The following HOOK3 variants were observed in gnomAD, a reference collection of about 807,000 sequenced individuals.
HOOK3 encodes the protein protein Hook homolog 3.
Under a neutral mutation model 116.3 loss-of-function variants are expected in HOOK3, and 24 were observed. The ratio of observed to expected loss-of-function variants is 0.21; its 90% confidence interval spans 0.15 to 0.29. The LOEUF (loss-of-function observed/expected upper bound fraction) is 0.29, where lower values mean the gene tolerates loss of function less well. HOOK3 is among the 10% of genes least tolerant of loss of function. HOOK3 has a pLI of 1.00. For missense variants in HOOK3, 632 were observed against 830.2 expected, an observed-to-expected ratio of 0.76 and a Z score of 2.93; for synonymous variants, 275 against 283.0, an observed-to-expected ratio of 0.97 and a Z score of 0.28.
At chr8:42,947,570 T>C (rs1289365413) in intron 5 of HOOK3, among the ~76,000 whole-genome samples, 1 of 152,230 alleles carries the variant, frequency 6.6e-6, no homozygotes, top group African/African-American at 2.4e-5. Flanking sequence ...GTATAAATGA[T>C]GGAAACTTAT....
intron 2 of HOOK3, among the ~76,000 whole-genome samples, chr8:42,924,019 G>C (rs1390363321): frequency 6.6e-6 from 1 of 151,956 alleles, no homozygotes; most frequent in African/African-American, 2.4e-5. Context: ...TTCATTTTAA[G>C]CTAATTTGAG....
intron 15 of HOOK3, among the ~76,000 whole-genome samples, chr8:42,996,038 T>C (rs1809258227): frequency 2.0e-5 from 3 of 152,094 alleles, no homozygotes; most frequent in South Asian, 2.1e-4. Flanking sequence ...CCCAAGACCT[T>C]GGGAGGTAAG....
Position 43,022,808 on chromosome 8 carries a change from C to G in HOOK3, c.*4310C>G, listed in dbSNP as rs1809853603. 5.7e-6 allele frequency: 1 copy of G among 176,572 alleles called. No individual in the cohort carries two copies. The highest frequency in any genetic ancestry group is 2.4e-5 in the African/African-American group (1 of 42,224). The allele number at this position is 176,572 out of a possible 1,614,324, so 10.9% of individuals were successfully genotyped here. A position where few individuals can be genotyped will look rare whatever the true frequency, so the allele number is the denominator to read the frequency against. The stretch of plus-strand genomic sequence containing the variant: ...TAAGTGTTTTAATTAGATTATTAGA[C>G]TATAATAAGGATGAAATTGCTGTCT... On this transcript the variant is annotated 3_prime_UTR_variant, in exon 22 of 22. Transcript: ENST00000307602.
At chr8:42,950,668 G>T (rs1295508903) in intron 6 of HOOK3, among the ~76,000 whole-genome samples, 2 of 151,688 alleles carry the variant, frequency 1.3e-5, no homozygotes, top group Non-Finnish European at 2.9e-5. Context: ...TATTTTGCAG[G>T]TATAGATATA....
At chr8:42,983,077 G>T (rs143699752) in intron 14 of HOOK3, among the ~76,000 whole-genome samples, 2,696 of 152,242 alleles carry the variant, frequency 0.018, 78 homozygotes, top group African/African-American at 0.063. Context: ...GCTCACGCCT[G>T]CAATCCCAGC....
At chr8:42,952,916 C>T (rs1350200844) in intron 6 of HOOK3, among the ~76,000 whole-genome samples, 5 of 152,142 alleles carry the variant, frequency 3.3e-5, no homozygotes, top group African/African-American at 1.2e-4. Context: ...CAACTTTCTT[C>T]CATCTTGCTG....
At chr8:42,939,659 G>A (rs1437693813) in intron 4 of HOOK3, among the ~76,000 whole-genome samples, 3 of 151,224 alleles carry the variant, frequency 2.0e-5, no homozygotes, top group South Asian at 2.1e-4. Flanking sequence ...GGTGGCTGCC[G>A]GGCAGAGACG....
intron 4 of HOOK3, among the ~76,000 whole-genome samples, chr8:42,933,105 T>C (rs1563294370): frequency 6.6e-6 from 1 of 152,220 alleles, no homozygotes; most frequent in South Asian, 2.1e-4. Flanking sequence ...CACCTCATCA[T>C]TATTTCATAG....
Position 43,021,320 on chromosome 8 carries a change from C to G in HOOK3, c.*2822C>G, listed in dbSNP as rs1218707694. On this transcript the variant is annotated 3_prime_UTR_variant, in exon 22 of 22. Coordinates refer to ENST00000307602, the MANE Select transcript of HOOK3 (RefSeq NM_032410.4). ...TTTTACTTCTGACTTTTTTTTCCCC[C>G]CGAGACGGAGCCTCGTTCCGTCACC... 1.1e-5 allele frequency: 2 copies of G among 189,466 alleles called. No individual in the cohort carries two copies. The highest frequency in any genetic ancestry group is 4.7e-5 in the African/African-American group (2 of 42,774). The allele number at this position is 189,466 out of a possible 1,614,324, so 11.7% of individuals were successfully genotyped here.
intron 8 of HOOK3, among the ~76,000 whole-genome samples, chr8:42,960,065 T>C (rs1808508780): frequency 2.0e-5 from 3 of 152,266 alleles, no homozygotes. Flanking sequence ...TGCCATTAAT[T>C]GCATTTCAGA....
chr8:42,991,404 T>C (rs1809158039), intron 15 of HOOK3, among the ~76,000 whole-genome samples: 1 of 151,192 alleles, frequency 6.6e-6, no homozygotes, highest in Non-Finnish European at 1.5e-5. Flanking sequence ...CTTTTTTTTT[T>C]TTTTTTTTTC....
At chr8:43,015,428 CAGG>C (rs1347345275) in intron 21 of HOOK3, among the ~76,000 whole-genome samples, 2 of 152,018 alleles carry the variant, frequency 1.3e-5, no homozygotes, top group Non-Finnish European at 2.9e-5. Flanking sequence ...GAGGCTGAAG[CAGG>C]AGAATCGCCT....
At chr8:42,924,694 CA>C (rs1020572098) in intron 2 of HOOK3, among the ~76,000 whole-genome samples, 3 of 152,102 alleles carry the variant, frequency 2.0e-5, no homozygotes, top group African/African-American at 4.8e-5. Flanking sequence ...TGTCACTGGC[CA>C]GGGGTGATGG....
At chr8:42,917,455 T>C (rs891490550) in intron 2 of HOOK3, among the ~76,000 whole-genome samples, 1 of 152,122 alleles carries the variant, frequency 6.6e-6, no homozygotes, top group Non-Finnish European at 1.5e-5. Context: ...CCAGCCCCCA[T>C]CCTAAAGCAA....
rs555436462 is a variant in HOOK3 at position 43,028,093 on chromosome 8, A to C, written c.*9595A>C. ...GCTAGTCTTCAGTATATATTTTTCT[A>C]AGAACAGATTCTCAATACTTTATTT... is the stretch of plus-strand genomic sequence containing the variant. On this transcript the variant is annotated 3_prime_UTR_variant, in exon 22 of 22. Transcript: ENST00000307602. 1.1e-5 allele frequency: 2 copies of C among 189,132 alleles called. No homozygotes were observed. The highest frequency in any genetic ancestry group is 4.6e-5 in the African/African-American group (2 of 43,050). 11.7% of individuals were successfully genotyped at this position (189,132 alleles called of 1,614,324 possible).
At chr8:42,995,820 C>T (rs948077801) in intron 15 of HOOK3, among the ~76,000 whole-genome samples, 12 of 152,236 alleles carry the variant, frequency 7.9e-5, no homozygotes, top group East Asian at 3.9e-4. Flanking sequence ...CAAGATAGTT[C>T]GTCTGTCCCT....
intron 15 of HOOK3, among the ~76,000 whole-genome samples, chr8:42,991,694 G>T (rs555932548): frequency 1.3e-4 from 20 of 152,032 alleles, no homozygotes; most frequent in Admixed American, 6.5e-5. Context: ...GAGCCACTGC[G>T]TCTGGCCAAC....
At chr8:42,919,727 G>A (rs999947348) in intron 2 of HOOK3, among the ~76,000 whole-genome samples, 5 of 152,302 alleles carry the variant, frequency 3.3e-5, no homozygotes, top group African/African-American at 7.2e-5. Flanking sequence ...GATCACTCGC[G>A]GTCAGGAGCT....
intron 2 of HOOK3, among the ~76,000 whole-genome samples, chr8:42,918,154 A>G (rs938326224): frequency 2.0e-5 from 3 of 152,132 alleles, no homozygotes; most frequent in Non-Finnish European, 4.4e-5. Context: ...CCTGGCCAAC[A>G]TGGTGAAACC....
Sources: allele counts gnomAD v4.1 joint callset (sites outside exome capture counted in the v4.1 genomes callset), GRCh38; gene constraint gnomAD v4.1.1; transcripts MANE v1.5; gene names NCBI Gene and HGNC (gene_info 2026-07-23, HGNC 2026-07-21).